The following TMEM135 variants were observed in gnomAD, a reference collection of about 807,000 sequenced individuals.
The protein encoded by TMEM135 is peroxisomal membrane protein 52.
A neutral mutation model predicts 60.3 loss-of-function variants in TMEM135; 30 were observed. That is an observed-to-expected ratio of 0.50 (90% CI 0.37 to 0.68). The LOEUF (loss-of-function observed/expected upper bound fraction) is 0.68, where lower values mean the gene tolerates loss of function less well. Among genes scored for constraint, TMEM135 ranks in the 30% least tolerant of loss-of-function variants. The pLI, the probability that TMEM135 is intolerant of heterozygous loss-of-function variation, is 0.00. For synonymous variants in TMEM135, 190 were observed against 186.7 expected, an observed-to-expected ratio of 1.02 and a Z score of -0.14; for missense variants, 468 against 548.8, an observed-to-expected ratio of 0.85 and a Z score of 1.47.
rs1941086164 is a variant in TMEM135, at chr11:87,239,656, G to A, written c.509+2972G>A. On this transcript the variant is annotated intron_variant, in intron 6 of 14. Coordinates refer to ENST00000305494, the MANE Select transcript of TMEM135 (RefSeq NM_022918.4). The stretch of plus-strand genomic sequence containing the variant: ...GAGGATAGGGAAGAATTTTATATTT[G>A]AAATAAGTCAACTTGTGTTTTTATC... Among the ~76,000 whole-genome samples the A allele has an allele frequency of 3.3e-5, 5 of 151,778 alleles. 1 individual carries two copies. The highest frequency in any genetic ancestry group is 2.0e-4 in the Admixed American group (3 of 15,222).
chr11:87,078,792 C>CCT (rs1555100496), intron 3 of TMEM135, among the ~76,000 whole-genome samples: 5 of 149,404 alleles, frequency 3.3e-5, no homozygotes, highest in Non-Finnish European at 7.4e-5. Context: ...TTTTGTATTT[C>CCT]TTTTTTTTTA....
intron 5 of TMEM135, among the ~76,000 whole-genome samples, chr11:87,180,120 C>A (rs1337700674): frequency 2.0e-5 from 3 of 152,116 alleles, no homozygotes; most frequent in East Asian, 3.9e-4. Flanking sequence ...TGTGGAACAT[C>A]ACTGTTTTCT....
chr11:87,275,586 A>G (rs1941953066), intron 6 of TMEM135, among the ~76,000 whole-genome samples: 2 of 152,200 alleles, frequency 1.3e-5, no homozygotes, highest in Admixed American at 1.3e-4. Context: ...TTGGAAGACA[A>G]AGTACATTTT....
chr11:87,294,500 C>T (rs1463806303), intron 6 of TMEM135, among the ~76,000 whole-genome samples: 1 of 152,188 alleles, frequency 6.6e-6, no homozygotes, highest in Non-Finnish European at 1.5e-5. Flanking sequence ...TCTCCAGCGT[C>T]AGCCTCCCGA....
At chr11:87,294,545 G>A (rs542966477) in intron 6 of TMEM135, among the ~76,000 whole-genome samples, 7 of 152,204 alleles carry the variant, frequency 4.6e-5, no homozygotes, top group South Asian at 4.1e-4. Flanking sequence ...CACCACGCCC[G>A]GCTAATTTTG....
At chr11:87,225,953 G>A (rs987476195) in intron 5 of TMEM135, among the ~76,000 whole-genome samples, 2 of 151,646 alleles carry the variant, frequency 1.3e-5, no homozygotes, top group Non-Finnish European at 2.9e-5. Flanking sequence ...TTTTCTCCAT[G>A]TTCATTGGTT....
At chr11:87,038,690 G>T (rs1276674792) in intron 1 of TMEM135, among the ~76,000 whole-genome samples, 1 of 147,086 alleles carries the variant, frequency 6.8e-6, no homozygotes, top group Non-Finnish European at 1.5e-5. Flanking sequence ...TCAGTTTTGA[G>T]ATGACAGGAT....
chr11:87,320,631 A>C (rs1942804153), intron 14 of TMEM135, among the ~76,000 whole-genome samples: 1 of 152,150 alleles, frequency 6.6e-6, no homozygotes, highest in Admixed American at 6.5e-5. Context: ...TATATATCTT[A>C]GGTTAGGTAA....
intron 6 of TMEM135, among the ~76,000 whole-genome samples, chr11:87,295,377 G>T (rs1412616267): frequency 1.3e-5 from 2 of 152,296 alleles, no homozygotes; most frequent in Admixed American, 1.3e-4. Context: ...TAGGTAGGGC[G>T]AAGTCAGGAC....
chr11:87,163,918 A>G (rs1938962880), intron 5 of TMEM135, among the ~76,000 whole-genome samples: 3 of 148,310 alleles, frequency 2.0e-5, no homozygotes, highest in Middle Eastern at 3.5e-3. Flanking sequence ...GTTTGAATTC[A>G]TTGTAGATTC....
intron 6 of TMEM135, among the ~76,000 whole-genome samples, chr11:87,288,983 A>G (rs894345315): frequency 1.3e-5 from 2 of 152,208 alleles, no homozygotes; most frequent in Non-Finnish European, 2.9e-5. Context: ...AAGAAGTAAT[A>G]AATAAGTAAA....
intron 4 of TMEM135, among the ~76,000 whole-genome samples, chr11:87,107,409 C>T (rs1314253163): frequency 2.0e-5 from 3 of 149,714 alleles, no homozygotes; most frequent in East Asian, 4.0e-4. Context: ...TGCTATCCAT[C>T]CCCCCTCCCC....
intron 5 of TMEM135, among the ~76,000 whole-genome samples, chr11:87,228,892 T>C (rs192125731): frequency 1.2e-4 from 19 of 152,310 alleles, no homozygotes; most frequent in Admixed American, 1.1e-3. Flanking sequence ...GGACTTCCTA[T>C]ATTGTGATTT....
rs1942938428 is a variant in TMEM135 at position 87,327,950 on chromosome 11, T to G, written c.*6617T>G. 2 of 454,012 alleles carry G rather than the reference T, an allele frequency of 4.4e-6. No individual in the cohort carries two copies. The highest frequency in any genetic ancestry group is 8.8e-6 in the Non-Finnish European group (2 of 226,758). The allele number at this position is 454,012 out of a possible 1,614,324, so 28.1% of individuals were successfully genotyped here. On this transcript the variant is annotated 3_prime_UTR_variant, in exon 15 of 15. Transcript: ENST00000305494. ...GTGGATTGGAGGTGCCTGCCCATAT[T>G]GAGGGCAGATCTTCTCTGCCTAGTC...
intron 4 of TMEM135, among the ~76,000 whole-genome samples, chr11:87,101,929 C>T (rs1055161382): frequency 6.6e-6 from 1 of 152,094 alleles, no homozygotes; most frequent in Middle Eastern, 3.4e-3. Context: ...GCTGAGATCA[C>T]GCCATTGCAC....
chr11:87,266,835 C>T (rs185272452), intron 6 of TMEM135, among the ~76,000 whole-genome samples: 6 of 152,288 alleles, frequency 3.9e-5, no homozygotes, highest in African/African-American at 1.2e-4. Context: ...ACTAAAATGA[C>T]AGGTTTACCT....
Position 87,314,537 on chromosome 11 carries a change from A to G in TMEM135, c.1067A>G (p.Lys356Arg), listed in dbSNP as rs1942693121. ...STTISMYLAS[K>R]LVETMYFKGI... Reference sequence around the variant, plus strand: ...ACAATTTCCATGTATTTAGCGTCCAAATTGGTAGAGGTAAGCGAAATTTTT... The same window carrying G: ...ACAATTTCCATGTATTTAGCGTCCAGATTGGTAGAGGTAAGCGAAATTTTT... The change falls in exon 12 of 15, where the codon AAA becomes AGA. Residue 356 changes from lysine to arginine, a missense_variant. By Grantham distance (26) the Lys-to-Arg change is conservative. Coordinates refer to ENST00000305494, the MANE Select transcript of TMEM135 (RefSeq NM_022918.4). 5.0e-6 allele frequency: 8 copies of G among 1,610,724 alleles called. No homozygotes were observed. Among genetic ancestry groups the G allele is most frequent in the Non-Finnish European group, 6.8e-6 (8 of 1,177,664 alleles).
In TMEM135 at chr11:87,114,811, C is replaced by T. The variant is rs891886139; in HGVS notation, c.396+23416C>T. On this transcript the variant is annotated intron_variant, in intron 4 of 14. Transcript: ENST00000305494. ...CTGAGAACTGAGGGGCATAGCTGTA[C>T]AGGACTTGGAAATAATTGTACACAC... Among the ~76,000 whole-genome samples, 4 of 152,250 alleles carry T rather than the reference C, an allele frequency of 2.6e-5. No homozygotes were observed. The East Asian group carries it at 7.7e-4, about 29-fold the overall frequency.
chr11:87,150,368 GT>G (rs1938527515), intron 4 of TMEM135, among the ~76,000 whole-genome samples: 1 of 151,976 alleles, frequency 6.6e-6, no homozygotes, highest in Non-Finnish European at 1.5e-5. Context: ...CTGTTGCTTC[GT>G]TGTATCTAAA....
Sources: gnomAD v4.1 joint callset for allele counts (sites outside exome capture counted in the v4.1 genomes callset) on GRCh38, gnomAD v4.1.1 for gene constraint, MANE v1.5 for transcripts, NCBI Gene and HGNC (gene_info 2026-07-23, HGNC 2026-07-21) for gene names.